SCN10A: variants seen among roughly 807,000 people sequenced by gnomAD.
SCN10A encodes the protein sodium voltage-gated channel alpha subunit 10.
In SCN10A, 162 loss-of-function variants were observed where a neutral mutation model predicts 170.7. That is an observed-to-expected ratio of 0.95 (90% CI 0.84 to 1.08). The LOEUF (loss-of-function observed/expected upper bound fraction) is 1.08. SCN10A is among the 50% of genes least tolerant of loss of function. The pLI, the probability that SCN10A is intolerant of heterozygous loss-of-function variation, is 0.00. For missense variants in SCN10A, 2,527 were observed against 2,436.9 expected (o/e 1.04, Z -0.78); for synonymous variants, 985 against 904.6 (o/e 1.09, Z -1.59).
Position 38,739,642 on chromosome 3 carries a change from G to A in SCN10A, c.2153C>T (p.Ala718Val), listed in dbSNP as rs934933414. The A allele has an allele frequency of 2.5e-6, 4 of 1,613,962 alleles. No homozygotes were observed. In the African/African-American group the frequency reaches 5.3e-5, roughly 22 times the overall value. Reference protein sequence around the residue: ...FTAEMVFKIIAFDPYYYFQKK... With the variant: ...FTAEMVFKIIVFDPYYYFQKK... ...CTGGAAATAATAGTATGGGTCGAAG[G>A]CAATGATTTTGAAGACCATTTCAGC... The change falls in exon 15 of 28, where the codon GCC becomes GTC. Residue 718 changes from alanine to valine, a missense_variant. Coordinates refer to ENST00000449082, the MANE Select transcript of SCN10A (RefSeq NM_006514.4).
At chr3:38,780,053 A>G (rs2064121119) in intron 4 of SCN10A, among the ~76,000 whole-genome samples, 1 of 151,946 alleles carries the variant, frequency 6.6e-6, no homozygotes, top group Non-Finnish European at 1.5e-5. Context: ...CTATAATTTT[A>G]CATACTTTTT....
rs926075459 is a variant in SCN10A at position 38,793,756 on chromosome 3, GA to G, written c.254del (p.Phe85SerfsTer11). On this transcript the variant is annotated frameshift_variant, in exon 2 of 28. Transcript: ENST00000449082. LOFTEE classifies it high-confidence loss of function. ...IGEPLEDLDP[F>X]YSTHRTFMVL... ...TAGCTCTTACCCGGTGTGTGCTGTA[GA>G]ACGGATCTAGATCCTCCAGGGGCTC... The G allele has an allele frequency of 6.2e-7, 1 of 1,613,708 alleles. No individual in the cohort carries two copies. Among genetic ancestry groups the G allele is most frequent in the African/African-American group, 1.3e-5 (1 of 74,874 alleles).
intron 4 of SCN10A, among the ~76,000 whole-genome samples, chr3:38,773,186 G>A (rs986429568): frequency 1.3e-5 from 2 of 152,184 alleles, no homozygotes; most frequent in African/African-American, 4.8e-5. Flanking sequence ...GTTACTAGAA[G>A]CTGGGCATGG....
At chr3:38,754,128 G>A (rs1201586141) in intron 11 of SCN10A, among the ~76,000 whole-genome samples, 1 of 152,074 alleles carries the variant, frequency 6.6e-6, no homozygotes, top group Non-Finnish European at 1.5e-5. Flanking sequence ...TGTTCTTTCT[G>A]CCAGGAAAAT....
intron 21 of SCN10A, 87 bp downstream of exon 21, chr3:38,718,566 A>G (rs1303047720): frequency 3.6e-6 from 5 of 1,401,080 alleles, no homozygotes; most frequent in Non-Finnish European, 4.9e-6. Context: ...CTTGAGGGCC[A>G]GGTCTCTGAG....
chr3:38,733,635 C>T (rs899179150), intron 15 of SCN10A, among the ~76,000 whole-genome samples: 11 of 152,108 alleles, frequency 7.2e-5, no homozygotes, highest in Non-Finnish European at 1.3e-4. Context: ...CCCACCTCAG[C>T]CTCCCAAATA....
At position 38,777,037 on chromosome 3, in the gene SCN10A, T is replaced by A. The variant is rs774161475; in HGVS notation, c.471-5630A>T. On this transcript the variant is annotated intron_variant, in intron 4 of 27. Transcript: ENST00000449082. ...AAATGGAAAAAATTGATATAAAAAG[T>A]AATTATGAGACTCTCATAAACATCA... is the stretch of plus-strand genomic sequence containing the variant. Among the ~76,000 whole-genome samples the A allele has an allele frequency of 2.0e-5, 3 of 151,958 alleles. No homozygotes were observed. The East Asian group carries it at 5.8e-4, about 29-fold the overall frequency.
At chr3:38,716,722 T>G (rs1374071051) in intron 21 of SCN10A, among the ~76,000 whole-genome samples, 2 of 152,116 alleles carry the variant, frequency 1.3e-5, no homozygotes, top group African/African-American at 4.8e-5. Flanking sequence ...AGGAAAAGTA[T>G]GAAAGCAGGG....
intron 21 of SCN10A, among the ~76,000 whole-genome samples, chr3:38,716,462 C>T (rs188399816): frequency 4.6e-5 from 7 of 152,126 alleles, no homozygotes; most frequent in Admixed American, 3.3e-4. Context: ...CCACATAAGA[C>T]GTGACTCGCA....
At position 38,728,907 on chromosome 3, in the gene SCN10A, G is replaced by A; in HGVS notation, c.2281-6C>T. ...GCCAGCTTGAATACGCGCAGCTGCAGAGAAACAGAGACCGTCAGGTTTTGG... is the reference window on the plus strand; with the variant it reads ...GCCAGCTTGAATACGCGCAGCTGCAAAGAAACAGAGACCGTCAGGTTTTGG... On this transcript the variant is annotated splice_polypyrimidine_tract_variant and splice_region_variant and intron_variant, in intron 15 of 27. Coordinates refer to ENST00000449082, the MANE Select transcript of SCN10A (RefSeq NM_006514.4). The A allele has an allele frequency of 6.3e-7, 1 of 1,596,434 alleles. No individual in the cohort carries two copies. The highest frequency in any genetic ancestry group is 1.1e-5 in the South Asian group (1 of 89,608).
intron 4 of SCN10A, among the ~76,000 whole-genome samples, chr3:38,786,169 A>G (rs2126054408): frequency 6.6e-6 from 1 of 152,320 alleles, no homozygotes; most frequent in East Asian, 1.9e-4. Context: ...CTATAAAGAT[A>G]CAAGCATGCG....
chr3:38,765,056 ATTTG>A (rs1225809299), intron 5 of SCN10A, among the ~76,000 whole-genome samples: 1 of 151,586 alleles, frequency 6.6e-6, no homozygotes, highest in South Asian at 2.1e-4. Flanking sequence ...GGATGGGATT[ATTTG>A]TTTGTTTTCT....
chr3:38,721,625 G>C (rs1575953294), intron 20 of SCN10A, among the ~76,000 whole-genome samples: 1 of 152,112 alleles, frequency 6.6e-6, no homozygotes, highest in Admixed American at 6.6e-5. Flanking sequence ...TCAAAGTGTG[G>C]GTCACTGAGG....
At chr3:38,773,713 A>G (rs2064037230) in intron 4 of SCN10A, among the ~76,000 whole-genome samples, 1 of 152,250 alleles carries the variant, frequency 6.6e-6, no homozygotes, top group South Asian at 2.1e-4. Context: ...GTGTTTACTT[A>G]GCAATGTAAT....
At chr3:38,769,135 G>A (rs1192496213) in intron 5 of SCN10A, among the ~76,000 whole-genome samples, 1 of 151,516 alleles carries the variant, frequency 6.6e-6, no homozygotes, top group Non-Finnish European at 1.5e-5. Flanking sequence ...TATTTCTCTG[G>A]AGAATTTTCC....
chr3:38,745,928 G>A (rs2063681189), intron 13 of SCN10A, among the ~76,000 whole-genome samples: 1 of 151,498 alleles, frequency 6.6e-6, no homozygotes, highest in African/African-American at 2.4e-5. Flanking sequence ...TGTTAGAACT[G>A]TGTCTGAGGC....
chr3:38,723,952 G>T (rs1222108553), intron 18 of SCN10A, among the ~76,000 whole-genome samples: 1 of 152,210 alleles, frequency 6.6e-6, no homozygotes, highest in Non-Finnish European at 1.5e-5. Context: ...GGACCCAAAT[G>T]GTGGGGCGGG....
intron 15 of SCN10A, among the ~76,000 whole-genome samples, chr3:38,736,522 C>T (rs535671384): frequency 4.6e-5 from 7 of 152,032 alleles, no homozygotes; most frequent in Non-Finnish European, 2.9e-5. Flanking sequence ...GACCAGCTGG[C>T]GGTGATTTTT....
intron 4 of SCN10A, among the ~76,000 whole-genome samples, chr3:38,771,906 C>A (rs1001661119): frequency 1.3e-5 from 2 of 152,292 alleles, no homozygotes; most frequent in African/African-American, 2.4e-5. Flanking sequence ...CTGCTTGGAA[C>A]TTAGAGATGC....
Sources: allele counts gnomAD v4.1 joint callset (sites outside exome capture counted in the v4.1 genomes callset), GRCh38; gene constraint gnomAD v4.1.1; transcripts MANE v1.5; gene names NCBI Gene and HGNC (gene_info 2026-07-23, HGNC 2026-07-21).